Variants in RAB8A observed in about 807,000 individuals in gnomAD.
The protein encoded by RAB8A is ras-related protein Rab-8A.
In RAB8A, 5 loss-of-function variants were observed where a neutral mutation model predicts 29.2. The observed-to-expected ratio is 0.17, with a 90% CI of 0.09 to 0.36. The LOEUF (loss-of-function observed/expected upper bound fraction) is 0.36, where lower values mean the gene tolerates loss of function less well. Among genes scored for constraint, RAB8A ranks in the 10% least tolerant of loss-of-function variants. The pLI is 1.00. For missense variants in RAB8A, 171 were observed against 272.2 expected, an observed-to-expected ratio of 0.63 and a Z score of 2.62; for synonymous variants, 108 against 99.9, an observed-to-expected ratio of 1.08 and a Z score of -0.49.
At chr19:16,124,991 G>GTGGTCGCCGTATCATTCAAAAAT in intron 3 of RAB8A, 1 of 210,420 alleles carries the variant, frequency 4.8e-6, no homozygotes, top group South Asian at 7.6e-5. Flanking sequence ...GTGGATGTCG[G>GTGGTCGCCGTATCATTCAAAAAT]GTCAGGACTT....
At chr19:16,130,812 G>A (rs557268340) in intron 7 of RAB8A, among the ~76,000 whole-genome samples, 39 of 146,876 alleles carry the variant, frequency 2.7e-4, no homozygotes, top group Non-Finnish European at 4.8e-4. Flanking sequence ...CACCATGCCT[G>A]GCTAATTTTT....
intron 1 of RAB8A, among the ~76,000 whole-genome samples, chr19:16,113,129 A>G (rs1259186245): frequency 1.3e-5 from 2 of 152,208 alleles, no homozygotes; most frequent in East Asian, 3.8e-4. Context: ...GACCTCTCTC[A>G]GTGCCACAAA....
Position 16,125,011 on chromosome 19 carries a change from A to AT in RAB8A, c.247-459_247-458insT. 4.6e-6 allele frequency: 1 copy of AT among 217,532 alleles called. No individual in the cohort carries two copies. Among genetic ancestry groups the AT allele is most frequent in the Non-Finnish European group, 9.6e-6 (1 of 104,480 alleles). 13.5% of individuals were successfully genotyped at this position (217,532 alleles called of 1,614,324 possible). A position where few individuals can be genotyped will look rare whatever the true frequency, so the allele number is the denominator to read the frequency against. On this transcript the variant is annotated intron_variant, in intron 3 of 7. Coordinates refer to ENST00000300935, the MANE Select transcript of RAB8A (RefSeq NM_005370.5). The surrounding 1 kb of genome is among the most constrained non-coding windows in gnomAD (Gnocchi z 5.0). The stretch of plus-strand genomic sequence containing the variant: ...TGTCGGGTCAGGACTTCCTGGGCTC[A>AT]GTTGTGCCTGGTAGGTGGCTCAGGC...
At chr19:16,114,336 A>G (rs1399863442) in intron 1 of RAB8A, among the ~76,000 whole-genome samples, 1 of 149,910 alleles carries the variant, frequency 6.7e-6, no homozygotes, top group African/African-American at 2.5e-5. Flanking sequence ...GCTTGCATTC[A>G]CTCAGATCCC....
At chr19:16,128,396 G>A (rs964544102) in intron 6 of RAB8A, among the ~76,000 whole-genome samples, 1 of 152,172 alleles carries the variant, frequency 6.6e-6, no homozygotes, top group Non-Finnish European at 1.5e-5. Context: ...GGCTCAGAAA[G>A]ACCCAGCTCT....
In RAB8A at chr19:16,132,519, A is replaced by G. The variant is rs1010946234; in HGVS notation, c.*215A>G. 3.5e-6 allele frequency: 2 copies of G among 575,880 alleles called. No individual in the cohort carries two copies. The highest frequency in any genetic ancestry group is 2.0e-5 in the South Asian group (1 of 49,516). 35.7% of individuals were successfully genotyped at this position (575,880 alleles called of 1,614,324 possible). ...AGATGGAATAAGTTAAAAATTTGCT[A>G]TTTTTCCTGTAACATCTGCTGAACG... On this transcript the variant is annotated 3_prime_UTR_variant, in exon 8 of 8. Transcript: ENST00000300935. This position sits in a 1 kb window ranked among gnomAD's most constrained non-coding sequence, Gnocchi z 5.6.
intron 2 of RAB8A, among the ~76,000 whole-genome samples, chr19:16,118,792 G>A (rs1018591895): frequency 3.3e-5 from 5 of 152,180 alleles, no homozygotes; most frequent in South Asian, 2.1e-4. Flanking sequence ...GAAATTAAGC[G>A]GAGGGCCGGG....
Position 16,122,481 on chromosome 19 carries a change from G to C in RAB8A, c.246+671G>C, listed in dbSNP as rs1245690269. 6.6e-6 allele frequency among the ~76,000 whole-genome samples: 1 copy of C among 152,190 alleles called. No individual in the cohort carries two copies. The highest frequency in any genetic ancestry group is 1.5e-5 in the Non-Finnish European group (1 of 68,038). Reference sequence around the variant, plus strand: ...CCACTGAGCTCCATCTCCTGACTTGGAAAAGGGAACGGAGCACAGCACTGT... The same window carrying C: ...CCACTGAGCTCCATCTCCTGACTTGCAAAAGGGAACGGAGCACAGCACTGT... On this transcript the variant is annotated intron_variant, in intron 3 of 7. Coordinates refer to ENST00000300935, the MANE Select transcript of RAB8A (RefSeq NM_005370.5). This position sits in a 1 kb window ranked among gnomAD's most constrained non-coding sequence, Gnocchi z 4.7.
Position 16,118,218 on chromosome 19 carries a change from T to A in RAB8A, c.125-8T>A. ...ACAGTGACGTGCCTTTTTTCTTTTT[T>A]CTTTCAGGAATTGACTTTAAAATTA... On this transcript the variant is annotated splice_polypyrimidine_tract_variant and splice_region_variant and intron_variant, in intron 1 of 7. Coordinates refer to ENST00000300935, the MANE Select transcript of RAB8A (RefSeq NM_005370.5). The A allele has an allele frequency of 6.2e-7, 1 of 1,606,472 alleles. No homozygotes were observed. The highest frequency in any genetic ancestry group is 8.5e-7 in the Non-Finnish European group (1 of 1,179,324).
At chr19:16,131,468 ATGGT>A (rs2090924036) in intron 7 of RAB8A, among the ~76,000 whole-genome samples, 1 of 150,150 alleles carries the variant, frequency 6.7e-6, no homozygotes, top group South Asian at 2.1e-4. Flanking sequence ...GGATGGATGA[ATGGT>A]TGGTTGGAAG....
chr19:16,125,588 C>A lies in RAB8A; in HGVS notation c.324+41C>A. 1.3e-6 allele frequency: 2 copies of A among 1,567,448 alleles called. No individual in the cohort carries two copies. The highest frequency in any genetic ancestry group is 2.3e-5 in the East Asian group (1 of 44,100). On this transcript the variant is annotated intron_variant, in intron 4 of 7. Coordinates refer to ENST00000300935, the MANE Select transcript of RAB8A (RefSeq NM_005370.5). The surrounding 1 kb of genome is among the most constrained non-coding windows in gnomAD (Gnocchi z 5.0). Reference sequence around the variant, plus strand: ...TCCTCCCACTGTCCCTGCTTCAGTCCTTGTCCCAGAGCCCTCTGGTTTACT... The same window carrying A: ...TCCTCCCACTGTCCCTGCTTCAGTCATTGTCCCAGAGCCCTCTGGTTTACT...
chr19:16,131,953 A>G lies in RAB8A; in HGVS notation c.532-259A>G, dbSNP rs561853731. On this transcript the variant is annotated intron_variant, in intron 7 of 7. Coordinates refer to ENST00000300935, the MANE Select transcript of RAB8A (RefSeq NM_005370.5). Reference sequence around the variant, plus strand: ...TGGCAGATGATGGATGGATGGTTTGATGGCTGATTGGTTGGTTGGATGGCT... The same window carrying G: ...TGGCAGATGATGGATGGATGGTTTGGTGGCTGATTGGTTGGTTGGATGGCT... Among the ~76,000 whole-genome samples, 3 of 148,540 alleles carry G rather than the reference A, an allele frequency of 2.0e-5. No homozygotes were observed. The East Asian group carries it at 6.0e-4, about 30-fold the overall frequency.
At chr19:16,116,114 G>A (rs2090844732) in intron 1 of RAB8A, among the ~76,000 whole-genome samples, 1 of 152,354 alleles carries the variant, frequency 6.6e-6, no homozygotes, top group Admixed American at 6.5e-5. Flanking sequence ...TTCCCCTGAG[G>A]AGGGAACTTG....
intron 6 of RAB8A, among the ~76,000 whole-genome samples, chr19:16,128,603 C>A (rs367663306): frequency 3.7e-4 from 56 of 152,294 alleles, no homozygotes; most frequent in African/African-American, 1.2e-3. Flanking sequence ...ATATCACTCC[C>A]GACCTAAAGT....
intron 2 of RAB8A, among the ~76,000 whole-genome samples, chr19:16,120,670 G>T (rs1259297523): frequency 1.3e-5 from 2 of 151,190 alleles, no homozygotes; most frequent in African/African-American, 2.4e-5. Flanking sequence ...GAATATAGCG[G>T]CACGATCTCA....
In RAB8A at chr19:16,128,008, T is replaced by G; in HGVS notation, c.415-18T>G. The G allele has an allele frequency of 6.2e-7, 1 of 1,613,936 alleles. No homozygotes were observed. The highest frequency in any genetic ancestry group is 1.7e-5 in the Admixed American group (1 of 60,016). ...CCGGCGGCTGGTGTGCTCATGCGTG[T>G]GCCTCCCTCTCTCACAGCTGGCCCT... On this transcript the variant is annotated intron_variant, in intron 5 of 7. Transcript: ENST00000300935.
chr19:16,125,866 G>A lies in RAB8A; in HGVS notation c.324+319G>A, dbSNP rs184480830. The stretch of plus-strand genomic sequence containing the variant: ...GAGTGTTGGGTGCTTTCTAGAGAAG[G>A]AAGGGTCTAGCACAGGTGTGACCCT... On this transcript the variant is annotated intron_variant, in intron 4 of 7. Coordinates refer to ENST00000300935, the MANE Select transcript of RAB8A (RefSeq NM_005370.5). The surrounding 1 kb of genome is among the most constrained non-coding windows in gnomAD (Gnocchi z 5.0). 70 of 464,262 alleles carry A rather than the reference G, an allele frequency of 1.5e-4. 1 individual carries two copies. The highest frequency in any genetic ancestry group is 9.5e-5 in the Admixed American group (3 of 31,682). 28.8% of individuals were successfully genotyped at this position (464,262 alleles called of 1,614,324 possible).
rs775284788 is a variant in RAB8A at position 16,132,259 on chromosome 19, G to A, written c.579G>A (p.Pro193=). Residue 193 remains proline, a synonymous_variant, in exon 8 of 8, where the codon CCG becomes CCA. Transcript: ENST00000300935. The surrounding 1 kb of genome is among the most constrained non-coding windows in gnomAD (Gnocchi z 5.6). ...QGSNQGVKIT[P]DQQKRSSFFR... ...GCAACCAGGGAGTCAAAATCACACCGGACCAGCAGAAGAGGAGCAGCTTTT... is the reference window on the plus strand; with the variant it reads ...GCAACCAGGGAGTCAAAATCACACCAGACCAGCAGAAGAGGAGCAGCTTTT... 1.7e-5 allele frequency: 27 copies of A among 1,613,984 alleles called. No homozygotes were observed. Among genetic ancestry groups the A allele is most frequent in the African/African-American group, 6.7e-5 (5 of 74,906 alleles).
intron 2 of RAB8A, among the ~76,000 whole-genome samples, chr19:16,119,196 C>T (rs147993034): frequency 4.1e-4 from 62 of 152,228 alleles, no homozygotes; most frequent in African/African-American, 1.4e-3. Context: ...GTGCTATTCA[C>T]CTCTTCTTTT....
Sources: gnomAD v4.1 joint callset for allele counts (sites outside exome capture counted in the v4.1 genomes callset) on GRCh38, gnomAD v4.1.1 for gene constraint, Gnocchi (gnomAD v3.1) non-coding constraint, MANE v1.5 for transcripts, NCBI Gene and HGNC (gene_info 2026-07-23, HGNC 2026-07-21) for gene names.